The following TNFRSF10D variants were observed in gnomAD, a reference collection of about 807,000 sequenced individuals.
TNFRSF10D encodes the protein TNF receptor superfamily member 10d.
TNFRSF10D carries 28 observed loss-of-function variants against 42.1 expected under a neutral mutation model. The ratio of observed to expected loss-of-function variants is 0.66; its 90% CI spans 0.49 to 0.91. The LOEUF (loss-of-function observed/expected upper bound fraction) is 0.91, where lower values mean the gene tolerates loss of function less well. TNFRSF10D is among the 40% of genes least tolerant of loss of function. The probability of loss-of-function intolerance (pLI) is 0.00; values close to 1 mark genes in which losing one functional copy is unlikely to be tolerated. For synonymous variants in TNFRSF10D, 186 were observed against 189.4 expected, an observed-to-expected ratio of 0.98 and a Z score of 0.15; for missense variants, 503 against 486.1, an observed-to-expected ratio of 1.03 and a Z score of -0.33.
chr8:23,161,372 G>A (rs1800364975), intron 1 of TNFRSF10D, among the ~76,000 whole-genome samples: 2 of 152,212 alleles, frequency 1.3e-5, no homozygotes, highest in Non-Finnish European at 2.9e-5. Flanking sequence ...CGGGGCGGAA[G>A]CCTCTGTCAC....
At chr8:23,141,830 G>A (rs1476557579) in intron 7 of TNFRSF10D, among the ~76,000 whole-genome samples, 1 of 152,166 alleles carries the variant, frequency 6.6e-6, no homozygotes, top group African/African-American at 2.4e-5. Context: ...ATGCTGGCGA[G>A]ACTATGAAGA....
At chr8:23,145,025 C>A (rs777236355) in intron 6 of TNFRSF10D, 33 bp downstream of exon 6, 3 of 1,614,070 alleles carry the variant, frequency 1.9e-6, no homozygotes, top group Non-Finnish European at 2.5e-6. Context: ...CCTGAACCCA[C>A]GAAGCCCCCA....
At chr8:23,161,402 C>T (rs1432421321) in intron 1 of TNFRSF10D, among the ~76,000 whole-genome samples, 3 of 152,220 alleles carry the variant, frequency 2.0e-5, no homozygotes, top group Non-Finnish European at 4.4e-5. Flanking sequence ...AACAGTCCAA[C>T]GCTGACAGAG....
intron 1 of TNFRSF10D, among the ~76,000 whole-genome samples, chr8:23,156,518 C>T (rs1189249989): frequency 1.3e-5 from 2 of 152,080 alleles, no homozygotes; most frequent in Non-Finnish European, 2.9e-5. Context: ...TGCTCTCACA[C>T]CCTTACTCCT....
At chr8:23,151,140 A>T (rs185593063) in intron 2 of TNFRSF10D, among the ~76,000 whole-genome samples, 564 of 151,572 alleles carry the variant, frequency 3.7e-3, no homozygotes, top group African/African-American at 0.012. Flanking sequence ...TCAAAGGCAA[A>T]GAGAATTTTG....
intron 3 of TNFRSF10D, 105 bp from the exon 4 acceptor site, chr8:23,147,177 G>A: frequency 1.1e-6 from 1 of 907,504 alleles, no homozygotes; most frequent in Non-Finnish European, 1.8e-6. Flanking sequence ...AGTTCACCAA[G>A]GAGTTCTGAG....
chr8:23,138,263 G>A lies in TNFRSF10D; in HGVS notation c.955-3C>T, dbSNP rs1262722788. On this transcript the variant is annotated splice_region_variant and splice_polypyrimidine_tract_variant and intron_variant, in intron 7 of 8. Coordinates refer to ENST00000312584, the MANE Select transcript of TNFRSF10D (RefSeq NM_003840.5). ...CACCCTTCAGCTTCTGCCTGTTCCTGTAACACACAGTGGGGAATGCTCTGG... is the reference window on the plus strand; with the variant it reads ...CACCCTTCAGCTTCTGCCTGTTCCTATAACACACAGTGGGGAATGCTCTGG... 5.6e-6 allele frequency: 9 copies of A among 1,614,102 alleles called. No individual in the cohort carries two copies. In the Admixed American group the frequency reaches 1.0e-4, roughly 18 times the overall value.
rs77617349 is a variant in TNFRSF10D at position 23,145,102 on chromosome 8, C to G, written c.737-13G>C. 2.7e-3 allele frequency: 4,430 copies of G among 1,614,022 alleles called. 62 individuals carry two copies. The African/African-American group carries it at 0.039, about 14-fold the overall frequency. On this transcript the variant is annotated splice_polypyrimidine_tract_variant and intron_variant, in intron 5 of 8. Coordinates refer to ENST00000312584, the MANE Select transcript of TNFRSF10D (RefSeq NM_003840.5). ...CCTCCTCCACCACCTGGAAAAGAAGCAGTCTCCTGAGCAGGCGGGGAGGGG... is the reference window on the plus strand; with the variant it reads ...CCTCCTCCACCACCTGGAAAAGAAGGAGTCTCCTGAGCAGGCGGGGAGGGG...
chr8:23,162,486 T>C (rs1263277914), intron 1 of TNFRSF10D, among the ~76,000 whole-genome samples: 2 of 152,090 alleles, frequency 1.3e-5, no homozygotes, highest in Non-Finnish European at 2.9e-5. Context: ...TCATGGTTCA[T>C]GTAATCTTGT....
chr8:23,155,686 C>A (rs1411212099), intron 1 of TNFRSF10D, among the ~76,000 whole-genome samples: 1 of 150,622 alleles, frequency 6.6e-6, no homozygotes, highest in Non-Finnish European at 1.5e-5. Flanking sequence ...GGCGAAAGAG[C>A]GAGACTCTGT....
chr8:23,160,287 A>G (rs1800347189), intron 1 of TNFRSF10D, among the ~76,000 whole-genome samples: 1 of 152,146 alleles, frequency 6.6e-6, no homozygotes, highest in Non-Finnish European at 1.5e-5. Flanking sequence ...CCATGAGGTG[A>G]GCGCAGTGGC....
At position 23,148,544 on chromosome 8, in the gene TNFRSF10D, A is replaced by T; in HGVS notation, c.264T>A (p.His88Gln). The T allele has an allele frequency of 6.2e-7, 1 of 1,606,364 alleles. No homozygotes were observed. The highest frequency in any genetic ancestry group is 8.5e-7 in the Non-Finnish European group (1 of 1,174,612). ...LKEEECPAGSHRSEYTGACNP... is the reference protein window; with the variant it reads ...LKEEECPAGSQRSEYTGACNP... ...TACAGGCTCCAGTATATTCTGATCT[A>T]TGAGATCCTGGGAAGGGAGAGAAAA... Residue 88 changes from histidine (H) to glutamine (Q), a missense_variant, in exon 3 of 9, where the codon CAT becomes CAA. By Grantham distance (24) the His-to-Gln change is conservative. Transcript: ENST00000312584.
Position 23,154,910 on chromosome 8 carries a change from G to A in TNFRSF10D, c.220C>T (p.Gln74Ter), listed in dbSNP as rs370832356. The change falls in exon 2 of 9, where the codon CAG becomes TAG. Residue 74 changes from glutamine to a stop codon, truncating the protein, a stop_gained. Coordinates refer to ENST00000312584, the MANE Select transcript of TNFRSF10D (RefSeq NM_003840.5). LOFTEE classifies it high-confidence loss of function. ...VPQQTVAPQQ[Q>*]RRSLKEEECP... ...TCCTCCTCCTTGAGGCTGCGCCTCT[G>A]TTGCTGTGGGGCCACTGTCTGCTGG... 5 of 1,613,104 alleles carry A rather than the reference G, an allele frequency of 3.1e-6. No homozygotes were observed. The highest frequency in any genetic ancestry group is 2.5e-6 in the Non-Finnish European group (3 of 1,179,908).
Position 23,136,006 on chromosome 8 carries a change from C to G in TNFRSF10D, c.*1864G>C. On this transcript the variant is annotated 3_prime_UTR_variant, in exon 9 of 9. Transcript: ENST00000312584. Reference sequence around the variant, plus strand: ...ATGGAAGTGCGAAGACCGGAAAGGCCATCCCCTCCTAAAACTCCATGGACA... The same window carrying G: ...ATGGAAGTGCGAAGACCGGAAAGGCGATCCCCTCCTAAAACTCCATGGACA... 1 of 433,798 alleles carries G rather than the reference C, an allele frequency of 2.3e-6. No homozygotes were observed. Among genetic ancestry groups the G allele is most frequent in the East Asian group, 7.0e-5 (1 of 14,220 alleles). 26.9% of individuals were successfully genotyped at this position (433,798 alleles called of 1,614,324 possible). A position where few individuals can be genotyped will look rare whatever the true frequency, so the allele number is the denominator to read the frequency against.
In TNFRSF10D at chr8:23,137,091, G is replaced by A. The variant is rs1164427057; in HGVS notation, c.*779C>T. Reference sequence around the variant, plus strand: ...ACATCATTATACAAAAATCGGAAAAGAGATGTACAGCCTACAGTAGTAAGC... The same window carrying A: ...ACATCATTATACAAAAATCGGAAAAAAGATGTACAGCCTACAGTAGTAAGC... On this transcript the variant is annotated 3_prime_UTR_variant, in exon 9 of 9. Coordinates refer to ENST00000312584, the MANE Select transcript of TNFRSF10D (RefSeq NM_003840.5). 1 of 152,164 alleles carries A rather than the reference G, an allele frequency of 6.6e-6. No homozygotes were observed. The highest frequency in any genetic ancestry group is 2.4e-5 in the African/African-American group (1 of 41,432). 9.4% of individuals were successfully genotyped at this position (152,164 alleles called of 1,614,324 possible).
chr8:23,136,686 T>C lies in TNFRSF10D; in HGVS notation c.*1184A>G, dbSNP rs1814336324. On this transcript the variant is annotated 3_prime_UTR_variant, in exon 9 of 9. Coordinates refer to ENST00000312584, the MANE Select transcript of TNFRSF10D (RefSeq NM_003840.5). ...CATCTGCTGTGGACAAGTCGGAAGATGCAGTCCCATGACTGTCCCAGCACG... is the reference window on the plus strand; with the variant it reads ...CATCTGCTGTGGACAAGTCGGAAGACGCAGTCCCATGACTGTCCCAGCACG... 1 of 152,234 alleles carries C rather than the reference T, an allele frequency of 6.6e-6. No homozygotes were observed. The highest frequency in any genetic ancestry group is 2.1e-4 in the South Asian group (1 of 4,830). 9.4% of individuals were successfully genotyped at this position (152,234 alleles called of 1,614,324 possible). A position where few individuals can be genotyped will look rare whatever the true frequency, so the allele number is the denominator to read the frequency against.
rs555986185 is a variant in TNFRSF10D, at chr8:23,148,943, T to C, written c.257-392A>G. 5.9e-3 allele frequency among the ~76,000 whole-genome samples: 897 copies of C among 151,834 alleles called. 4 individuals carry two copies. Among genetic ancestry groups the C allele is most frequent in the Non-Finnish European group, 8.2e-3 (559 of 67,932 alleles). Reference sequence around the variant, plus strand: ...CGGTGGCTCACGCCTGTAATCCCAGTACTTAGGGAGGCCAAGGCGGACGAA... The same window carrying C: ...CGGTGGCTCACGCCTGTAATCCCAGCACTTAGGGAGGCCAAGGCGGACGAA... On this transcript the variant is annotated intron_variant, in intron 2 of 8. Coordinates refer to ENST00000312584, the MANE Select transcript of TNFRSF10D (RefSeq NM_003840.5).
chr8:23,162,705 G>A lies in TNFRSF10D; in HGVS notation c.150+1081C>T, dbSNP rs921126399. 1.1e-4 allele frequency among the ~76,000 whole-genome samples: 17 copies of A among 152,172 alleles called. No homozygotes were observed. In the South Asian group the frequency reaches 1.2e-3, roughly 11 times the overall value. ...TTATGCCTAAGGAAGGGGCCATCCCGCGGTCCTGCCTATGGGATACAGAGG... is the reference window on the plus strand; with the variant it reads ...TTATGCCTAAGGAAGGGGCCATCCCACGGTCCTGCCTATGGGATACAGAGG... On this transcript the variant is annotated intron_variant, in intron 1 of 8. Coordinates refer to ENST00000312584, the MANE Select transcript of TNFRSF10D (RefSeq NM_003840.5).
In TNFRSF10D at chr8:23,161,773, T is replaced by G. The variant is rs1159680323; in HGVS notation, c.150+2013A>C. 2.0e-5 allele frequency among the ~76,000 whole-genome samples: 3 copies of G among 152,208 alleles called. No homozygotes were observed. In the East Asian group the frequency reaches 5.8e-4, roughly 29 times the overall value. On this transcript the variant is annotated intron_variant, in intron 1 of 8. Coordinates refer to ENST00000312584, the MANE Select transcript of TNFRSF10D (RefSeq NM_003840.5). ...AAGGGTGTAGGGATACAGGCACATG[T>G]GTGAACTAGGTGTGAGTGTAAGCTG...
Sources: allele counts gnomAD v4.1 joint callset (sites outside exome capture counted in the v4.1 genomes callset), GRCh38; gene constraint gnomAD v4.1.1; transcripts MANE v1.5; gene names NCBI Gene and HGNC (gene_info 2026-07-23, HGNC 2026-07-21).